The following BMPR1A variants were observed in gnomAD, a reference collection of about 807,000 sequenced individuals.
BMPR1A encodes the protein bone morphogenetic protein receptor type 1A.
BMPR1A carries 7 observed loss-of-function variants against 66.0 expected under a neutral mutation model. The ratio of observed to expected loss-of-function variants is 0.11; its 90% CI spans 0.06 to 0.20. The LOEUF is 0.20. Among genes scored for constraint, BMPR1A ranks in the 10% least tolerant of loss-of-function variants. The pLI, the probability that BMPR1A is intolerant of heterozygous loss-of-function variation, is 1.00. For synonymous variants in BMPR1A, 200 were observed against 229.7 expected (o/e 0.87, Z 1.17); for missense variants, 408 against 669.1 (o/e 0.61, Z 4.31).
intron 1 of BMPR1A, among the ~76,000 whole-genome samples, chr10:86,770,979 T>C (rs1273407526): frequency 4.6e-5 from 7 of 152,164 alleles, no homozygotes; most frequent in Admixed American, 4.6e-4. Context: ...CAAATCCCAT[T>C]CTCTTTTTCT....
intron 1 of BMPR1A, among the ~76,000 whole-genome samples, chr10:86,788,988 C>T (rs1156732839): frequency 7.9e-5 from 12 of 152,072 alleles, no homozygotes; most frequent in Non-Finnish European, 1.8e-4. Flanking sequence ...CTTCTCTTAC[C>T]ATGATGCACT....
In BMPR1A at chr10:86,878,634, G is replaced by A. The variant is rs556049424; in HGVS notation, c.67+2549G>A. On this transcript the variant is annotated intron_variant, in intron 3 of 12. Transcript: ENST00000372037. ...TTGACATTTCCCTTGTGGTTCCCAA[G>A]TGGTTACTATTATCTGCATTTGAGG... Among the ~76,000 whole-genome samples the A allele has an allele frequency of 1.6e-4, 24 of 152,294 alleles. 1 individual carries two copies. The South Asian group carries it at 5.0e-3, about 32-fold the overall frequency.
chr10:86,856,310 C>T (rs1842639860), intron 2 of BMPR1A: 4 of 474,742 alleles, frequency 8.4e-6, no homozygotes, highest in African/African-American at 2.0e-5. Context: ...ATGGTGGGAG[C>T]CCTGGCCCTC....
intron 2 of BMPR1A, among the ~76,000 whole-genome samples, chr10:86,867,516 T>G (rs1042801779): frequency 2.6e-5 from 4 of 152,202 alleles, no homozygotes; most frequent in Non-Finnish European, 4.4e-5. Flanking sequence ...AATAGACAGC[T>G]GACAGACATT....
intron 1 of BMPR1A, among the ~76,000 whole-genome samples, chr10:86,823,712 C>T (rs1842153635): frequency 6.6e-6 from 1 of 152,156 alleles, no homozygotes; most frequent in Non-Finnish European, 1.5e-5. Context: ...GGTGATCCTG[C>T]TTCACAACCA....
intron 1 of BMPR1A, among the ~76,000 whole-genome samples, chr10:86,762,576 T>A (rs1333644804): frequency 6.6e-6 from 1 of 152,140 alleles, no homozygotes; most frequent in Non-Finnish European, 1.5e-5. Flanking sequence ...GCCAGGCTGG[T>A]CTCAACTCCT....
intron 1 of BMPR1A, among the ~76,000 whole-genome samples, chr10:86,813,784 C>A (rs555167365): frequency 1.3e-5 from 2 of 152,128 alleles, no homozygotes; most frequent in African/African-American, 4.8e-5. Flanking sequence ...TTAGCGCTCA[C>A]CTCTATTCCT....
chr10:86,915,614 AGCT>A (rs1212594131), intron 8 of BMPR1A, among the ~76,000 whole-genome samples: 3 of 152,098 alleles, frequency 2.0e-5, no homozygotes, highest in African/African-American at 7.2e-5. Context: ...CTGTAATCCC[AGCT>A]GCTCGGGAGG....
intron 1 of BMPR1A, among the ~76,000 whole-genome samples, chr10:86,831,104 G>T (rs1402490080): frequency 6.6e-6 from 1 of 152,112 alleles, no homozygotes; most frequent in African/African-American, 2.4e-5. Context: ...GCATGGATAA[G>T]ACCACATTTT....
chr10:86,801,286 C>T, intron 1 of BMPR1A, among the ~76,000 whole-genome samples: 1 of 152,168 alleles, frequency 6.6e-6, no homozygotes, highest in South Asian at 2.1e-4. Flanking sequence ...GTGGCGTGCG[C>T]CACCATGCCC....
Position 86,892,142 on chromosome 10 carries a change from C to T in BMPR1A, c.246C>T (p.Cys82=), listed in dbSNP as rs759647230. ...INNTCITNGH[C]FAIIEEDDQG... is the part of the protein sequence containing the mutation. ...TCTGTTTTAGAACTAATGGACATTGCTTTGCCATCATAGAAGAAGATGACC... is the reference window on the plus strand; with the variant it reads ...TCTGTTTTAGAACTAATGGACATTGTTTTGCCATCATAGAAGAAGATGACC... Residue 82 remains cysteine (C), a synonymous_variant, in exon 5 of 13, where the codon TGC becomes TGT. Coordinates refer to ENST00000372037, the MANE Select transcript of BMPR1A (RefSeq NM_004329.3). The T allele has an allele frequency of 1.2e-6, 2 of 1,612,970 alleles. No individual in the cohort carries two copies. Among genetic ancestry groups the T allele is most frequent in the Non-Finnish European group, 8.5e-7 (1 of 1,179,052 alleles).
At chr10:86,914,244 T>A (rs1395931784) in intron 8 of BMPR1A, among the ~76,000 whole-genome samples, 1 of 152,154 alleles carries the variant, frequency 6.6e-6, no homozygotes, top group Non-Finnish European at 1.5e-5. Flanking sequence ...ACCTCCTCAC[T>A]CTATACCAAA....
At chr10:86,763,902 T>G (rs1411702157) in intron 1 of BMPR1A, among the ~76,000 whole-genome samples, 3 of 149,696 alleles carry the variant, frequency 2.0e-5, no homozygotes, top group Non-Finnish European at 1.5e-5. Flanking sequence ...GCCATTCTCC[T>G]GCCTCAGCCT....
chr10:86,860,841 C>CTT (rs1219747565), intron 2 of BMPR1A, among the ~76,000 whole-genome samples: 10 of 135,066 alleles, frequency 7.4e-5, no homozygotes, highest in South Asian at 4.8e-4. Context: ...TGCCATAGAA[C>CTT]TTTTTTTTTT....
chr10:86,890,215 A>C lies in BMPR1A; in HGVS notation c.221A>C (p.Asn74Thr), dbSNP rs2133396691. 6.2e-7 allele frequency: 1 copy of C among 1,614,144 alleles called. No homozygotes were observed. The highest frequency in any genetic ancestry group is 8.5e-7 in the Non-Finnish European group (1 of 1,180,006). ...SGHCPDDAIN[N>T]TCITNGHCFA... Reference sequence around the variant, plus strand: ...CACTGTCCAGATGATGCTATTAATAACACATGCATGTAAGTATTTTATGCA... The same window carrying C: ...CACTGTCCAGATGATGCTATTAATACCACATGCATGTAAGTATTTTATGCA... The change falls in exon 4 of 13, where the codon AAC (asparagine) becomes ACC (threonine). Residue 74 changes from asparagine (N) to threonine (T), a missense_variant. By Grantham distance (65) the Asn-to-Thr change is moderately conservative (BLOSUM62 0). Coordinates refer to ENST00000372037, the MANE Select transcript of BMPR1A (RefSeq NM_004329.3).
chr10:86,805,683 G>A (rs1192250488), intron 1 of BMPR1A, among the ~76,000 whole-genome samples: 1 of 151,894 alleles, frequency 6.6e-6, no homozygotes, highest in African/African-American at 2.4e-5. Context: ...GGATGGTCTC[G>A]ATCTTCTGAC....
intron 2 of BMPR1A, among the ~76,000 whole-genome samples, chr10:86,863,713 GGTCA>G (rs895471611): frequency 1.3e-5 from 2 of 152,000 alleles, no homozygotes; most frequent in African/African-American, 4.8e-5. Flanking sequence ...GTCACTGCAG[GGTCA>G]GTCAAAGTCC....
chr10:86,882,251 T>C (rs529259654), intron 3 of BMPR1A, among the ~76,000 whole-genome samples: 136 of 150,942 alleles, frequency 9.0e-4, no homozygotes, highest in Non-Finnish European at 1.3e-3. Context: ...GGTGAAACCC[T>C]GTCTCTACTA....
intron 1 of BMPR1A, among the ~76,000 whole-genome samples, chr10:86,779,879 G>A (rs559281372): frequency 6.6e-6 from 1 of 152,282 alleles, no homozygotes; most frequent in African/African-American, 2.4e-5. Context: ...TGGGACTACA[G>A]GTGTGAGCCA....
Sources: allele counts gnomAD v4.1 joint callset (sites outside exome capture counted in the v4.1 genomes callset), GRCh38; gene constraint gnomAD v4.1.1; transcripts MANE v1.5; gene names NCBI Gene and HGNC (gene_info 2026-07-23, HGNC 2026-07-21).